The following CAMK2B variants were observed in gnomAD, a reference collection of about 807,000 sequenced individuals.
The protein encoded by CAMK2B is calcium/calmodulin dependent protein kinase II beta.
CAMK2B carries 27 observed loss-of-function variants against 93.7 expected under a neutral mutation model. The observed-to-expected ratio is 0.29, with a 90% CI of 0.21 to 0.40. CAMK2B has a LOEUF of 0.40. CAMK2B is among the 10% of genes least tolerant of loss of function. The pLI is 1.00. For synonymous variants in CAMK2B, 374 were observed against 358.8 expected (o/e 1.04, Z -0.48); for missense variants, 568 against 895.8 (o/e 0.63, Z 4.67).
chr7:44,231,009 T>G lies in CAMK2B; in HGVS notation c.1222A>C (p.Lys408Gln). The stretch of plus-strand genomic sequence containing the variant: ...GCAAGGACTCAAGTGCAGGTACCTT[T>G]AGCGTCTTCATCCTCTATGGTGGTA... Reference protein sequence around the residue: ...ANTTIEDEDAKAPRVPDILSS... With the variant: ...ANTTIEDEDAQAPRVPDILSS... The change falls in exon 17 of 24, where the codon AAA (lysine) becomes CAA (glutamine). Residue 408 changes from lysine (K) to glutamine (Q), a missense_variant. This residue lies in a region of CAMK2B where 308 missense variants were observed against 292.1 expected (regional missense o/e 1.05). Transcript: ENST00000395749. The G allele has an allele frequency of 6.4e-7, 1 of 1,553,940 alleles. No homozygotes were observed. Among genetic ancestry groups the G allele is most frequent in the Non-Finnish European group, 8.7e-7 (1 of 1,148,452 alleles).
At chr7:44,240,809 G>C in intron 11 of CAMK2B, 60 bp from the exon 12 acceptor site, 1 of 1,559,952 alleles carries the variant, frequency 6.4e-7, no homozygotes, top group Admixed American at 1.8e-5. Flanking sequence ...CTGGCTTCTG[G>C]CCAGGATAAG....
intron 20 of CAMK2B, among the ~76,000 whole-genome samples, chr7:44,223,405 A>G (rs1370049885): frequency 1.3e-5 from 2 of 152,088 alleles, no homozygotes; most frequent in Non-Finnish European, 2.9e-5. Flanking sequence ...GGCCTCTAGG[A>G]AGGTAGGCTG....
chr7:44,264,762 C>T (rs1451738730), intron 2 of CAMK2B, among the ~76,000 whole-genome samples: 1 of 152,212 alleles, frequency 6.6e-6, no homozygotes, highest in Admixed American at 6.5e-5. Context: ...GTGCCAGGAG[C>T]CTCAGGGATT....
chr7:44,246,942 ACACATG>A (rs1398651615), intron 6 of CAMK2B, among the ~76,000 whole-genome samples, 172 bp downstream of exon 6: 1 of 152,054 alleles, frequency 6.6e-6, no homozygotes, highest in African/African-American at 2.4e-5. Flanking sequence ...GCACACACAT[ACACATG>A]CACATGCATG....
At chr7:44,267,087 C>T (rs746682788) in intron 2 of CAMK2B, 1 of 152,260 alleles carries the variant, frequency 6.6e-6, no homozygotes, top group African/African-American at 2.4e-5. Context: ...TGAAATAGAC[C>T]GTGGGACAGA....
At chr7:44,302,700 C>T in intron 1 of CAMK2B, among the ~76,000 whole-genome samples, 1 of 152,084 alleles carries the variant, frequency 6.6e-6, no homozygotes, top group East Asian at 1.9e-4. Flanking sequence ...GACAAAAATC[C>T]AACACTGTTT....
chr7:44,232,787 C>A (rs776657167), intron 16 of CAMK2B, 35 bp downstream of exon 16: 1 of 1,608,118 alleles, frequency 6.2e-7, no homozygotes. Context: ...AGCCTCCTGC[C>A]TGGGGAAAGC....
chr7:44,287,760 G>T (rs184107837), intron 1 of CAMK2B, among the ~76,000 whole-genome samples: 1 of 152,190 alleles, frequency 6.6e-6, no homozygotes, highest in Non-Finnish European at 1.5e-5. Flanking sequence ...ACTCCTATGC[G>T]TCCTTCAAGA....
chr7:44,252,035 G>A (rs957028705), intron 5 of CAMK2B, among the ~76,000 whole-genome samples: 2 of 152,196 alleles, frequency 1.3e-5, no homozygotes, highest in African/African-American at 4.8e-5. Flanking sequence ...CCCGCCACGG[G>A]GAGGGGCTGT....
chr7:44,234,810 C>A (rs185053322), intron 13 of CAMK2B, 134 bp from the exon 14 acceptor site: 4 of 926,256 alleles, frequency 4.3e-6, no homozygotes, highest in Non-Finnish European at 6.8e-6. Context: ...GTGGTTCCAG[C>A]ACCCAGGCTG....
chr7:44,290,191 T>C (rs1389393905), intron 1 of CAMK2B, among the ~76,000 whole-genome samples: 1 of 152,260 alleles, frequency 6.6e-6, no homozygotes, highest in African/African-American at 2.4e-5. Context: ...AGGAAGTTCT[T>C]AAATTTTAGA....
intron 1 of CAMK2B, among the ~76,000 whole-genome samples, chr7:44,285,451 A>G (rs774904920): frequency 4.6e-5 from 7 of 152,120 alleles, no homozygotes; most frequent in Non-Finnish European, 8.8e-5. Flanking sequence ...CCTCCCCCCT[A>G]CAGGAACAGC....
At chr7:44,265,201 C>T (rs1418708238) in intron 2 of CAMK2B, among the ~76,000 whole-genome samples, 2 of 152,244 alleles carry the variant, frequency 1.3e-5, no homozygotes, top group South Asian at 2.1e-4. Context: ...ATAACACACT[C>T]GCTTCTTCTG....
chr7:44,287,597 A>C (rs1172536956), intron 1 of CAMK2B, among the ~76,000 whole-genome samples: 1 of 152,190 alleles, frequency 6.6e-6, no homozygotes, highest in Non-Finnish European at 1.5e-5. Flanking sequence ...GGGGCCCAAC[A>C]TCTCTGACTT....
intron 2 of CAMK2B, chr7:44,266,950 C>T (rs1031987332): frequency 5.3e-5 from 8 of 152,270 alleles, no homozygotes; most frequent in African/African-American, 1.7e-4. Flanking sequence ...GGTGCTGAAT[C>T]CCCTCTCCCC....
chr7:44,285,796 C>T (rs371460710), intron 1 of CAMK2B, among the ~76,000 whole-genome samples: 2 of 116,548 alleles, frequency 1.7e-5, no homozygotes, highest in Admixed American at 9.7e-5. Flanking sequence ...GGAGACCCAG[C>T]GGTGGGAGAT....
intron 1 of CAMK2B, among the ~76,000 whole-genome samples, chr7:44,291,216 G>A (rs1024857473): frequency 6.6e-6 from 1 of 152,172 alleles, no homozygotes; most frequent in Non-Finnish European, 1.5e-5. Flanking sequence ...GTTCCGCCAA[G>A]TGGGGAGAGT....
chr7:44,247,234 G>T, intron 5 of CAMK2B, 42 bp from the exon 6 acceptor site: 2 of 1,556,320 alleles, frequency 1.3e-6, no homozygotes, highest in Non-Finnish European at 8.9e-7. Context: ...TGGCCCTGGG[G>T]AGCAGCAAGA....
At chr7:44,220,771 C>G (rs747897694) in intron 21 of CAMK2B, 55 bp downstream of exon 21, 58 of 1,563,452 alleles carry the variant, frequency 3.7e-5, no homozygotes, top group East Asian at 1.2e-4. Context: ...GCAGGCCCCC[C>G]CAAGGGTCCC....
Sources: gnomAD v4.1 joint callset for allele counts (sites outside exome capture counted in the v4.1 genomes callset) on GRCh38, gnomAD v4.1.1 for gene constraint, gnomAD v4.1.1 regional missense constraint, MANE v1.5 for transcripts, NCBI Gene and HGNC (gene_info 2026-07-23, HGNC 2026-07-21) for gene names.